WWOX: variants seen among roughly 807,000 people sequenced by gnomAD.
WWOX encodes the protein WW domain containing oxidoreductase.
Under a neutral mutation model 46.2 loss-of-function variants are expected in WWOX, and 69 were observed. The ratio of observed to expected loss-of-function variants is 1.49; its 90% CI spans 1.23 to 1.82. The LOEUF (loss-of-function observed/expected upper bound fraction) is 1.82. Ranked by LOEUF, WWOX falls within the 40% of genes most tolerant of loss-of-function variation. The probability of loss-of-function intolerance (pLI) is 0.00; values close to 1 mark genes in which losing one functional copy is unlikely to be tolerated. For missense variants in WWOX, 919 were observed against 542.6 expected (o/e 1.69, Z -6.89); for synonymous variants, 359 against 202.6 (o/e 1.77, Z -6.56).
chr16:78,958,672 G>A (rs1456488169), intron 8 of WWOX, among the ~76,000 whole-genome samples: 2 of 152,080 alleles, frequency 1.3e-5, no homozygotes, highest in Non-Finnish European at 2.9e-5. Flanking sequence ...TTTTCTTTTG[G>A]TATTCTCAGA....
chr16:78,332,674 C>T (rs986089283), intron 5 of WWOX, among the ~76,000 whole-genome samples: 8 of 152,142 alleles, frequency 5.3e-5, no homozygotes, highest in Non-Finnish European at 1.2e-4. Context: ...ATATGATAAT[C>T]TGAGAGTTGC....
At chr16:78,164,346 C>T (rs763524921) in intron 5 of WWOX, 57 bp downstream of exon 5, 5 of 1,484,512 alleles carry the variant, frequency 3.4e-6, no homozygotes, top group Non-Finnish European at 3.7e-6. Context: ...GCCGGGCTAA[C>T]CATATGGAGA....
intron 8 of WWOX, among the ~76,000 whole-genome samples, chr16:79,178,944 T>C (rs1238551036): frequency 6.6e-6 from 1 of 152,218 alleles, no homozygotes; most frequent in African/African-American, 2.4e-5. Flanking sequence ...CCATTGACTA[T>C]GCAGGACCTT....
intron 8 of WWOX, among the ~76,000 whole-genome samples, chr16:78,790,988 C>T (rs68034115): frequency 0.02 from 2,924 of 144,712 alleles, 52 homozygotes; most frequent in Middle Eastern, 0.041. Flanking sequence ...CATTGCACTC[C>T]ACCCTGGGTG....
chr16:78,626,828 A>G (rs1277193941), intron 8 of WWOX, among the ~76,000 whole-genome samples: 1 of 152,146 alleles, frequency 6.6e-6, no homozygotes, highest in African/African-American at 2.4e-5. Flanking sequence ...CGGTACACTC[A>G]TGGACATTTA....
intron 8 of WWOX, among the ~76,000 whole-genome samples, chr16:78,550,499 C>G (rs2044147950): frequency 6.6e-6 from 1 of 152,170 alleles, no homozygotes; most frequent in African/African-American, 2.4e-5. Flanking sequence ...GTCAAGAGCA[C>G]TTGTTTGTCT....
chr16:78,723,118 G>C (rs1325887339), intron 8 of WWOX, among the ~76,000 whole-genome samples: 1 of 152,184 alleles, frequency 6.6e-6, no homozygotes, highest in Non-Finnish European at 1.5e-5. Flanking sequence ...TTGAGTAAAA[G>C]TGAAAGATCA....
At chr16:78,671,662 G>C (rs1376089231) in intron 8 of WWOX, among the ~76,000 whole-genome samples, 2 of 152,108 alleles carry the variant, frequency 1.3e-5, no homozygotes, top group African/African-American at 4.8e-5. Flanking sequence ...GCACAAATGA[G>C]ACAGTGTATG....
chr16:78,661,779 G>A (rs1164145317), intron 8 of WWOX, among the ~76,000 whole-genome samples: 3 of 152,334 alleles, frequency 2.0e-5, no homozygotes, highest in Admixed American at 6.5e-5. Flanking sequence ...GCTGACGCCC[G>A]TAATCCCAGT....
intron 8 of WWOX, among the ~76,000 whole-genome samples, chr16:78,763,702 T>G (rs2049851088): frequency 1.3e-5 from 2 of 152,204 alleles, no homozygotes; most frequent in Admixed American, 6.5e-5. Flanking sequence ...TTCCACGAAG[T>G]TGTTATTTGG....
intron 8 of WWOX, among the ~76,000 whole-genome samples, chr16:79,009,555 C>T (rs1465281959): frequency 6.6e-6 from 1 of 151,996 alleles, no homozygotes; most frequent in Non-Finnish European, 1.5e-5. Flanking sequence ...GTAACCTCTG[C>T]CTCCTGGGTT....
At position 78,587,897 on chromosome 16, in the gene WWOX, G is replaced by A. The variant is rs536601191; in HGVS notation, c.1056+155145G>A. Among the ~76,000 whole-genome samples the A allele has an allele frequency of 7.9e-5, 12 of 152,294 alleles. No homozygotes were observed. The East Asian group carries it at 2.1e-3, about 27-fold the overall frequency. The stretch of plus-strand genomic sequence containing the variant: ...CCTAAGTGACATCCTTTTTCTGCAT[G>A]TTTACTTATGGTTATGTAAATCAAG... On this transcript the variant is annotated intron_variant, in intron 8 of 8. Transcript: ENST00000566780.
At chr16:79,163,935 C>T (rs145131200) in intron 8 of WWOX, among the ~76,000 whole-genome samples, 6 of 149,848 alleles carry the variant, frequency 4.0e-5, no homozygotes, top group African/African-American at 9.9e-5. Flanking sequence ...TTGCTTCTGC[C>T]GTTTCTAGCC....
chr16:78,720,472 T>G (rs1322664284), intron 8 of WWOX, among the ~76,000 whole-genome samples: 1 of 84,204 alleles, frequency 1.2e-5, no homozygotes, highest in South Asian at 3.5e-4. Context: ...TTTTTTTTTC[T>G]TCTTTTTTTT....
At chr16:78,523,356 C>G (rs188985093) in intron 8 of WWOX, among the ~76,000 whole-genome samples, 62 of 152,326 alleles carry the variant, frequency 4.1e-4, no homozygotes, top group African/African-American at 1.1e-3. Flanking sequence ...ATGCTGAGAG[C>G]CCTGCTTCCC....
Position 79,042,221 on chromosome 16 carries a change from T to C in WWOX, c.1057-169387T>C, listed in dbSNP as rs112019519. On this transcript the variant is annotated intron_variant, in intron 8 of 8. Coordinates refer to ENST00000566780, the MANE Select transcript of WWOX (RefSeq NM_016373.4). ...GGGGTTGGAAACTCTGTCCATGAAC[T>C]CCAAAGCCCACGCTCTCTTACACCC... is the stretch of plus-strand genomic sequence containing the variant. 3.2e-4 allele frequency among the ~76,000 whole-genome samples: 48 copies of C among 152,022 alleles called. 1 individual carries two copies. The highest frequency in any genetic ancestry group is 1.1e-3 in the African/African-American group (47 of 41,486).
At chr16:78,314,921 C>CT (rs1014690004) in intron 5 of WWOX, among the ~76,000 whole-genome samples, 54 of 152,116 alleles carry the variant, frequency 3.5e-4, no homozygotes, top group African/African-American at 1.2e-3. Flanking sequence ...TTGTGGTCAG[C>CT]TAGAAGGTCA....
intron 8 of WWOX, among the ~76,000 whole-genome samples, chr16:78,730,617 A>T (rs1301267563): frequency 8.1e-6 from 1 of 123,060 alleles, no homozygotes. Context: ...ACGCCCGGCA[A>T]TTTTTTTTTT....
intron 8 of WWOX, among the ~76,000 whole-genome samples, chr16:78,562,831 C>T (rs2044470900): frequency 6.6e-6 from 1 of 152,160 alleles, no homozygotes; most frequent in African/African-American, 2.4e-5. Flanking sequence ...TGAGCCCCTC[C>T]CTGGTACGGA....
Sources: allele counts gnomAD v4.1 joint callset (sites outside exome capture counted in the v4.1 genomes callset), GRCh38; gene constraint gnomAD v4.1.1; transcripts MANE v1.5; gene names NCBI Gene and HGNC (gene_info 2026-07-23, HGNC 2026-07-21).